Variants in SPTLC2 observed in about 807,000 individuals in gnomAD.
SPTLC2 encodes the protein serine palmitoyltransferase 2.
In SPTLC2, 21 loss-of-function variants were observed where a neutral mutation model predicts 62.0. The observed-to-expected ratio is 0.34, with a 90% CI of 0.24 to 0.49. The LOEUF (loss-of-function observed/expected upper bound fraction) is 0.49. SPTLC2 is among the 20% of genes least tolerant of loss of function. SPTLC2 has a pLI of 0.99. For synonymous variants in SPTLC2, 261 were observed against 261.8 expected (o/e 1.00, Z 0.03); for missense variants, 511 against 713.0 (o/e 0.72, Z 3.23).
intron 2 of SPTLC2, among the ~76,000 whole-genome samples, chr14:77,589,751 T>C (rs890470548): frequency 2.6e-5 from 4 of 151,182 alleles, no homozygotes; most frequent in African/African-American, 4.9e-5. Context: ...GATTGCGCCA[T>C]TGCACTCCAT....
Position 77,610,394 on chromosome 14 carries a change from G to A in SPTLC2, c.132+6054C>T, listed in dbSNP as rs190458366. 3.6e-3 allele frequency among the ~76,000 whole-genome samples: 541 copies of A among 152,192 alleles called. 2 individuals carry two copies. Among genetic ancestry groups the A allele is most frequent in the Middle Eastern group, 0.014 (4 of 294 alleles). ...TGACCTCAAGTGATCCGCCCATCTC[G>A]GCTTCCCAAAGTGCTGGGATTACAG... is the stretch of plus-strand genomic sequence containing the variant. On this transcript the variant is annotated intron_variant, in intron 1 of 11. Coordinates refer to ENST00000216484, the MANE Select transcript of SPTLC2 (RefSeq NM_004863.4).
intron 9 of SPTLC2, among the ~76,000 whole-genome samples, chr14:77,541,947 C>A (rs771931359): frequency 2.0e-5 from 3 of 151,936 alleles, no homozygotes; most frequent in Non-Finnish European, 2.9e-5. Flanking sequence ...GTCCCAGCTA[C>A]TCAGGAGGCT....
Position 77,512,194 on chromosome 14 carries a change from C to A in SPTLC2, c.*90G>T, listed in dbSNP as rs943602431. 1.3e-6 allele frequency: 2 copies of A among 1,591,424 alleles called. No homozygotes were observed. The highest frequency in any genetic ancestry group is 2.7e-5 in the African/African-American group (2 of 74,370). ...AGGCAATGTCTTTCACGTGAGATGG[C>A]CACAGAAGTGTGGTTCCTGGAACTG... On this transcript the variant is annotated 3_prime_UTR_variant, in exon 12 of 12. Transcript: ENST00000216484.
chr14:77,598,446 A>G (rs1313799926), intron 1 of SPTLC2, among the ~76,000 whole-genome samples: 1 of 152,252 alleles, frequency 6.6e-6, no homozygotes, highest in Non-Finnish European at 1.5e-5. Context: ...CAAAAGTTCA[A>G]AAGTAAATTC....
At chr14:77,562,823 G>T (rs2079622317) in intron 5 of SPTLC2, among the ~76,000 whole-genome samples, 1 of 152,184 alleles carries the variant, frequency 6.6e-6, no homozygotes, top group African/African-American at 2.4e-5. Context: ...TTACGTGAGA[G>T]AATTCCATGT....
intron 8 of SPTLC2, among the ~76,000 whole-genome samples, chr14:77,552,975 C>G (rs909409775): frequency 6.6e-6 from 1 of 152,058 alleles, no homozygotes; most frequent in African/African-American, 2.4e-5. Flanking sequence ...TAACAGTTCT[C>G]TAACATCAAC....
chr14:77,531,983 G>A (rs1208853661), intron 9 of SPTLC2, among the ~76,000 whole-genome samples: 1 of 152,078 alleles, frequency 6.6e-6, no homozygotes, highest in African/African-American at 2.4e-5. Flanking sequence ...TGGAATTGAG[G>A]TTAAATTTCT....
At chr14:77,586,343 T>C (rs2079781496) in intron 2 of SPTLC2, among the ~76,000 whole-genome samples, 1 of 152,148 alleles carries the variant, frequency 6.6e-6, no homozygotes, top group South Asian at 2.1e-4. Context: ...CCCAAAGTGT[T>C]GGGATTACAG....
Position 77,552,805 on chromosome 14 carries a change from T to TA in SPTLC2, c.1177-584dup, listed in dbSNP as rs58847640. ...TGGGGGACAGAGTGAGACTCCGTCT[T>TA]AAAAAAAAAAAAAAAAAAAAAGTTA... On this transcript the variant is annotated intron_variant, in intron 8 of 11. Coordinates refer to ENST00000216484, the MANE Select transcript of SPTLC2 (RefSeq NM_004863.4). Among the ~76,000 whole-genome samples the TA allele has an allele frequency of 1.5e-3, 191 of 130,956 alleles. 1 individual carries two copies. The highest frequency in any genetic ancestry group is 2.9e-3 in the East Asian group (13 of 4,470). The allele number at this position is 130,956 out of a possible 152,430, so 85.9% of individuals were successfully genotyped here. A position where few individuals can be genotyped will look rare whatever the true frequency, so the allele number is the denominator to read the frequency against.
chr14:77,543,666 ATAAT>A (rs1469144961), intron 9 of SPTLC2, among the ~76,000 whole-genome samples: 1 of 152,346 alleles, frequency 6.6e-6, no homozygotes, highest in South Asian at 2.1e-4. Flanking sequence ...TAAAACAAAA[ATAAT>A]TAATTCCAAC....
chr14:77,557,257 G>T, intron 6 of SPTLC2, 111 bp from the exon 7 acceptor site: 1 of 965,130 alleles, frequency 1.0e-6, no homozygotes, highest in Non-Finnish European at 1.6e-6. Flanking sequence ...GATAGCAAAG[G>T]ACATAATTAG....
At chr14:77,595,013 G>T (rs1053885448) in intron 2 of SPTLC2, among the ~76,000 whole-genome samples, 1 of 152,102 alleles carries the variant, frequency 6.6e-6, no homozygotes, top group Non-Finnish European at 1.5e-5. Flanking sequence ...CAAAATCAAC[G>T]TACTGTAGAT....
intron 9 of SPTLC2, among the ~76,000 whole-genome samples, chr14:77,536,829 T>C (rs943325222): frequency 6.6e-6 from 1 of 152,232 alleles, no homozygotes; most frequent in Non-Finnish European, 1.5e-5. Flanking sequence ...TTCTGCAGTT[T>C]AGGTGAAAAT....
chr14:77,603,334 T>C (rs574718959), intron 1 of SPTLC2, among the ~76,000 whole-genome samples: 1 of 152,378 alleles, frequency 6.6e-6, no homozygotes, highest in East Asian at 1.9e-4. Context: ...TTATCATGCT[T>C]TGTCCATTAA....
At chr14:77,582,138 C>T (rs975653189) in intron 2 of SPTLC2, among the ~76,000 whole-genome samples, 7 of 150,886 alleles carry the variant, frequency 4.6e-5, no homozygotes, top group Non-Finnish European at 5.9e-5. Flanking sequence ...CTGCAACCTC[C>T]GCCTCCTAGG....
At chr14:77,613,568 T>C (rs988409633) in intron 1 of SPTLC2, among the ~76,000 whole-genome samples, 11 of 152,336 alleles carry the variant, frequency 7.2e-5, no homozygotes, top group African/African-American at 2.4e-4. Context: ...TCTTTTACTA[T>C]ACACATTCAT....
intron 1 of SPTLC2, among the ~76,000 whole-genome samples, chr14:77,609,683 G>T (rs546182662): frequency 6.6e-6 from 1 of 151,938 alleles, no homozygotes; most frequent in South Asian, 2.1e-4. Context: ...GTTGCAGTGA[G>T]CCACACTGCA....
chr14:77,570,615 C>A, intron 4 of SPTLC2, 107 bp from the exon 5 acceptor site: 1 of 1,377,688 alleles, frequency 7.3e-7, no homozygotes, highest in Non-Finnish European at 1.0e-6. Flanking sequence ...CCTTTTCAGA[C>A]TAAGATCTAT....
chr14:77,590,131 ACACCCAGC>A (rs1340778078), intron 2 of SPTLC2, among the ~76,000 whole-genome samples: 5 of 152,062 alleles, frequency 3.3e-5, no homozygotes, highest in Non-Finnish European at 7.4e-5. Flanking sequence ...GTAGGCCACC[ACACCCAGC>A]TAATTTTTTA....
Sources: allele counts gnomAD v4.1 joint callset (sites outside exome capture counted in the v4.1 genomes callset), GRCh38; gene constraint gnomAD v4.1.1; transcripts MANE v1.5; gene names NCBI Gene and HGNC (gene_info 2026-07-23, HGNC 2026-07-21).